The following ZMYM4 variants were observed in gnomAD, a reference collection of about 807,000 sequenced individuals.
The protein encoded by ZMYM4 is zinc finger MYM-type protein 4.
A neutral mutation model predicts 183.2 loss-of-function variants in ZMYM4; 31 were observed. The observed-to-expected ratio is 0.17, with a 90% CI of 0.13 to 0.23. The LOEUF is 0.23. Ranked by LOEUF, ZMYM4 falls within the 10% of genes least tolerant of loss-of-function variation. The pLI is 1.00. For missense variants in ZMYM4, 1,273 were observed against 1,840.3 expected, an observed-to-expected ratio of 0.69 and a Z score of 5.64; for synonymous variants, 592 against 631.2, an observed-to-expected ratio of 0.94 and a Z score of 0.93.
chr1:35,276,114 CAT>C lies in ZMYM4; in HGVS notation c.39+7032_39+7033del, dbSNP rs553133080. Among the ~76,000 whole-genome samples the C allele has an allele frequency of 3.5e-3, 535 of 152,228 alleles. 2 individuals are homozygous for C. Among genetic ancestry groups the C allele is most frequent in the Non-Finnish European group, 4.9e-3 (330 of 67,994 alleles). ...TGAGAACCCAGCACATATCAAGAAT[CAT>C]ATGTGTTTTTCTTTCTTTACACTTC... is the stretch of plus-strand genomic sequence containing the variant. On this transcript the variant is annotated intron_variant, in intron 1 of 29. Coordinates refer to ENST00000314607, the MANE Select transcript of ZMYM4 (RefSeq NM_005095.3).
At chr1:35,351,151 A>G (rs1558056000) in intron 2 of ZMYM4, 1 of 1,160,278 alleles carries the variant, frequency 8.6e-7, no homozygotes, top group Admixed American at 1.7e-5. Context: ...TTTACCTGCT[A>G]TTTGGATGCA....
intron 2 of ZMYM4, among the ~76,000 whole-genome samples, chr1:35,354,872 G>T (rs1198120084): frequency 6.6e-6 from 1 of 151,834 alleles, no homozygotes; most frequent in African/African-American, 2.4e-5. Context: ...GACTGCAGGG[G>T]TTGGCAAATG....
intron 20 of ZMYM4, among the ~76,000 whole-genome samples, chr1:35,397,959 G>A (rs547693789): frequency 6.6e-5 from 10 of 152,258 alleles, no homozygotes; most frequent in African/African-American, 2.4e-4. Context: ...CTACTAGTGT[G>A]GAATCATGAT....
chr1:35,312,684 C>G (rs1641857050), intron 1 of ZMYM4, among the ~76,000 whole-genome samples: 1 of 148,494 alleles, frequency 6.7e-6, no homozygotes, highest in African/African-American at 2.5e-5. Flanking sequence ...TCCCTTCTTT[C>G]TTTTCTTTCT....
chr1:35,302,378 CTTTTTTTTTTTTTT>C (rs1179477732), intron 1 of ZMYM4, among the ~76,000 whole-genome samples: 120 of 86,170 alleles, frequency 1.4e-3, no homozygotes, highest in African/African-American at 5.4e-3. Flanking sequence ...GCTAATTTGA[CTTTTTTTTTTTTTT>C]TTTTTTTTTT....
At position 35,389,766 on chromosome 1, in the gene ZMYM4, A is replaced by T. The variant is rs1005936240; in HGVS notation, c.2437-182A>T. On this transcript the variant is annotated intron_variant, in intron 14 of 29. Transcript: ENST00000314607. This position sits in a 1 kb window ranked among gnomAD's most constrained non-coding sequence, Gnocchi z 4.0. ...CAAGGCTCTGTCTCAAAAAAAAAAA[A>T]AAATATATATATATATGTGTGTGTG... Among the ~76,000 whole-genome samples the T allele has an allele frequency of 0.016, 2,074 of 131,772 alleles. 45 individuals carry two copies. The highest frequency in any genetic ancestry group is 0.056 in the African/African-American group (1,636 of 29,174). 86.4% of individuals were successfully genotyped at this position (131,772 alleles called of 152,430 possible).
intron 21 of ZMYM4, 93 bp from the exon 22 acceptor site, chr1:35,398,770 AT>A (rs1329433046): frequency 1.6e-5 from 21 of 1,305,306 alleles, no homozygotes; most frequent in Middle Eastern, 2.2e-4. Flanking sequence ...ACCGTATCTC[AT>A]TTTTTGGTAT....
At chr1:35,354,490 C>G (rs1477459514) in intron 2 of ZMYM4, among the ~76,000 whole-genome samples, 1 of 152,060 alleles carries the variant, frequency 6.6e-6, no homozygotes, top group African/African-American at 2.4e-5. Flanking sequence ...CTTTGGGAGG[C>G]CAAGGCGGGT....
intron 1 of ZMYM4, among the ~76,000 whole-genome samples, chr1:35,303,513 C>T (rs1340793756): frequency 6.6e-6 from 1 of 152,088 alleles, no homozygotes; most frequent in African/African-American, 2.4e-5. Context: ...TCAAGCGATT[C>T]TCCTGCCTCA....
intron 1 of ZMYM4, among the ~76,000 whole-genome samples, chr1:35,283,326 CTTTTTTTTT>C (rs201360397): frequency 0.031 from 1,772 of 56,454 alleles, 39 homozygotes; most frequent in East Asian, 0.15. Context: ...GAAGTGGTAT[CTTTTTTTTT>C]TTTTTTTTTT....
chr1:35,375,616 CTTAGG>C (rs1644318236), intron 7 of ZMYM4, among the ~76,000 whole-genome samples: 1 of 152,158 alleles, frequency 6.6e-6, no homozygotes, highest in African/African-American at 2.4e-5. Flanking sequence ...AACAGCAGCA[CTTAGG>C]TTAGAAGAAG....
At chr1:35,408,300 A>T (rs1639714549) in intron 26 of ZMYM4, 141 bp downstream of exon 26, 1 of 1,033,182 alleles carries the variant, frequency 9.7e-7, no homozygotes, top group African/African-American at 1.6e-5. Context: ...AACAAATTGG[A>T]AACCGCTCAA....
At chr1:35,309,704 A>C (rs1303342603) in intron 1 of ZMYM4, among the ~76,000 whole-genome samples, 1 of 152,020 alleles carries the variant, frequency 6.6e-6, no homozygotes, top group African/African-American at 2.4e-5. Flanking sequence ...TGATTGCTTG[A>C]GCCCAGGAGC....
At chr1:35,364,166 A>G (rs771896083) in intron 5 of ZMYM4, among the ~76,000 whole-genome samples, 3 of 152,244 alleles carry the variant, frequency 2.0e-5, no homozygotes. Flanking sequence ...ATGAAGTTTC[A>G]TCATGATTAT....
chr1:35,385,799 A>G (rs766771332), intron 10 of ZMYM4, among the ~76,000 whole-genome samples: 6 of 152,130 alleles, frequency 3.9e-5, no homozygotes, highest in Non-Finnish European at 8.8e-5. Flanking sequence ...AGAATTTCAT[A>G]TGGCTTCTTT....
At chr1:35,385,873 A>G (rs1356573098) in intron 10 of ZMYM4, among the ~76,000 whole-genome samples, 1 of 152,152 alleles carries the variant, frequency 6.6e-6, no homozygotes, top group East Asian at 1.9e-4. Flanking sequence ...GTTTCAGGGT[A>G]GACTTTGACC....
chr1:35,330,155 C>T (rs895315575), intron 2 of ZMYM4, among the ~76,000 whole-genome samples: 7 of 141,960 alleles, frequency 4.9e-5, no homozygotes, highest in Non-Finnish European at 7.7e-5. Context: ...TTTGAGGTTA[C>T]GGTGAGCTGA....
intron 1 of ZMYM4, among the ~76,000 whole-genome samples, chr1:35,271,828 G>T (rs1227543027): frequency 6.6e-6 from 1 of 152,160 alleles, no homozygotes; most frequent in Non-Finnish European, 1.5e-5. Context: ...TAATGGTGTG[G>T]TGGCACATGC....
chr1:35,278,126 A>C (rs180870385), intron 1 of ZMYM4, among the ~76,000 whole-genome samples: 1 of 152,186 alleles, frequency 6.6e-6, no homozygotes, highest in East Asian at 1.9e-4. Context: ...TGTGGCGGCA[A>C]AACTCCTGTC....
Sources: allele counts gnomAD v4.1 joint callset (sites outside exome capture counted in the v4.1 genomes callset), GRCh38; gene constraint gnomAD v4.1.1; non-coding constraint Gnocchi (gnomAD v3.1); transcripts MANE v1.5; gene names NCBI Gene and HGNC (gene_info 2026-07-23, HGNC 2026-07-21).